The following TICRR variants were observed in gnomAD, a reference collection of about 807,000 sequenced individuals.
TICRR encodes TOPBP1 interacting checkpoint and replication regulator.
In TICRR, 132 loss-of-function variants were observed where a neutral mutation model predicts 178.1. The ratio of observed to expected loss-of-function variants is 0.74; its 90% CI spans 0.64 to 0.86. The LOEUF (loss-of-function observed/expected upper bound fraction) is 0.86. Ranked by LOEUF, TICRR falls within the 40% of genes least tolerant of loss-of-function variation. The probability of loss-of-function intolerance (pLI) is 0.00; values close to 1 mark genes in which losing one functional copy is unlikely to be tolerated. For missense variants in TICRR, 2,587 were observed against 2,334.3 expected, an observed-to-expected ratio of 1.11 and a Z score of -2.23; for synonymous variants, 991 against 900.7, an observed-to-expected ratio of 1.10 and a Z score of -1.79.
chr15:89,626,171 G>T lies in TICRR; in HGVS notation c.5602+110G>T, dbSNP rs962579287. ...GAGCCCCAGGGAGTGCCAAGTGTGG[G>T]ATAGGTGACTTCGCGCCTACAGCGT... On this transcript the variant is annotated intron_variant, in intron 21 of 21. Coordinates refer to ENST00000268138, the MANE Select transcript of TICRR (RefSeq NM_152259.4). The T allele has an allele frequency of 4.4e-5, 58 of 1,312,510 alleles. No homozygotes were observed. The African/African-American group carries it at 8.1e-4, about 18-fold the overall frequency. 81.3% of individuals were successfully genotyped at this position (1,312,510 alleles called of 1,614,324 possible).
Position 89,599,317 on chromosome 15 carries a change from T to G in TICRR, c.1901-7T>G. ...GATTAATCCATTTTATTTTATTTTT[T>G]TCTCAGATTTTAAAACTGAGGAAGA... is the stretch of plus-strand genomic sequence containing the variant. On this transcript the variant is annotated splice_polypyrimidine_tract_variant and splice_region_variant and intron_variant, in intron 7 of 21. Transcript: ENST00000268138. 1 of 1,594,684 alleles carries G rather than the reference T, an allele frequency of 6.3e-7. No individual in the cohort carries two copies. Among genetic ancestry groups the G allele is most frequent in the East Asian group, 2.2e-5 (1 of 44,698 alleles).
At chr15:89,581,626 A>G (rs1390594717) in intron 1 of TICRR, among the ~76,000 whole-genome samples, 1 of 152,226 alleles carries the variant, frequency 6.6e-6, no homozygotes, top group Non-Finnish European at 1.5e-5. Context: ...CAAATGGTTC[A>G]ATATGCCTAG....
At chr15:89,591,370 C>T in intron 4 of TICRR, 1 of 152,276 alleles carries the variant, frequency 6.6e-6, no homozygotes, top group Non-Finnish European at 1.5e-5. Context: ...GTGATCCACC[C>T]ACCTCGGCCT....
At chr15:89,578,139 A>G (rs189063118) in intron 1 of TICRR, among the ~76,000 whole-genome samples, 1 of 152,280 alleles carries the variant, frequency 6.6e-6, no homozygotes, top group Admixed American at 6.5e-5. Context: ...GCCAAGGTCA[A>G]AAATGTGGAT....
Position 89,575,723 on chromosome 15 carries a change from C to A in TICRR, c.137C>A (p.Ala46Asp). The change falls in exon 1 of 22, where the codon GCC becomes GAC. Residue 46 changes from alanine to aspartate, a missense_variant. Ala to Asp is a moderately radical substitution (Grantham distance 126, BLOSUM62 -2). Coordinates refer to ENST00000268138, the MANE Select transcript of TICRR (RefSeq NM_152259.4). ...TTCGGCCTGGCCAGGGTCCACTGGG[C>A]CTTCAAGTTCTTTGACTCGCAGGGG... ...CRFGLARVHW[A>D]FKFFDSQGAR... 3 of 1,609,846 alleles carry A rather than the reference C, an allele frequency of 1.9e-6. No homozygotes were observed. The highest frequency in any genetic ancestry group is 2.5e-6 in the Non-Finnish European group (3 of 1,179,050).
At chr15:89,578,925 T>C (rs539391593) in intron 1 of TICRR, among the ~76,000 whole-genome samples, 3 of 152,020 alleles carry the variant, frequency 2.0e-5, no homozygotes, top group South Asian at 2.1e-4. Flanking sequence ...TGGGGAGTGC[T>C]CTGTCCAGGA....
intron 5 of TICRR, among the ~76,000 whole-genome samples, chr15:89,592,727 A>G (rs1380880326): frequency 1.3e-5 from 2 of 152,252 alleles, no homozygotes; most frequent in African/African-American, 4.8e-5. Context: ...CTATAGCAAG[A>G]TCAAGCAATT....
chr15:89,605,333 T>C (rs998611037), intron 13 of TICRR, among the ~76,000 whole-genome samples: 1 of 152,230 alleles, frequency 6.6e-6, no homozygotes, highest in Admixed American at 6.5e-5. Flanking sequence ...TGTAGTTTAC[T>C]GAACCCTGGA....
Position 89,625,016 on chromosome 15 carries a change from G to C in TICRR, c.4706G>C (p.Gly1569Ala). ...GTTGAGCTGGAGATGCAAGCTTCTG[G>C]CCTTCCCAAACTTCGAATTAAGAAG... The part of the protein sequence containing the change: ...YEVELEMQAS[G>A]LPKLRIKKID... The change falls in exon 20 of 22, where the codon GGC (glycine) becomes GCC (alanine). Residue 1569 changes from glycine to alanine, a missense_variant. Gly to Ala is a moderately conservative substitution (Grantham distance 60). Coordinates refer to ENST00000268138, the MANE Select transcript of TICRR (RefSeq NM_152259.4). The C allele has an allele frequency of 6.2e-7, 1 of 1,614,058 alleles. No homozygotes were observed. The highest frequency in any genetic ancestry group is 8.5e-7 in the Non-Finnish European group (1 of 1,180,028).
intron 20 of TICRR, 31 bp downstream of exon 20, chr15:89,625,817 A>G (rs763021494): frequency 4.6e-5 from 72 of 1,575,984 alleles, no homozygotes; most frequent in Middle Eastern, 3.5e-4. Context: ...CAGTTTCCTC[A>G]TGGTTTCTTT....
chr15:89,598,507 C>T (rs1012600002), intron 7 of TICRR, among the ~76,000 whole-genome samples: 13 of 151,736 alleles, frequency 8.6e-5, no homozygotes, highest in East Asian at 3.9e-4. Context: ...GGATTAGAGG[C>T]GCCCGCCACT....
chr15:89,578,497 A>G (rs1231894966), intron 1 of TICRR, among the ~76,000 whole-genome samples: 6 of 152,232 alleles, frequency 3.9e-5, no homozygotes, highest in Non-Finnish European at 5.9e-5. Context: ...CCTTAGACAC[A>G]GTATACAACA....
At chr15:89,587,173 A>G (rs771504376) in intron 4 of TICRR, among the ~76,000 whole-genome samples, 10 of 152,154 alleles carry the variant, frequency 6.6e-5, no homozygotes, top group African/African-American at 2.4e-4. Context: ...GACTCCAGAG[A>G]CTTTTGCCCT....
chr15:89,609,792 A>G (rs1376746021), intron 15 of TICRR, among the ~76,000 whole-genome samples: 1 of 141,632 alleles, frequency 7.1e-6, no homozygotes. Context: ...TTCTAATCTC[A>G]GTTTCATTTT....
At position 89,619,829 on chromosome 15, in the gene TICRR, G is replaced by C; in HGVS notation, c.3141G>C (p.Gln1047His). 6.2e-7 allele frequency: 1 copy of C among 1,612,078 alleles called. No homozygotes were observed. The highest frequency in any genetic ancestry group is 8.5e-7 in the Non-Finnish European group (1 of 1,179,430). Reference sequence around the variant, plus strand: ...GTGTGCAAAGAGTCCACTCTTTCCAGCAAGATAAGTCAGGTAACATACGGG... The same window carrying C: ...GTGTGCAAAGAGTCCACTCTTTCCACCAAGATAAGTCAGGTAACATACGGG... ...SRSVQRVHSF[Q>H]QDKSDQRENS... Residue 1047 changes from glutamine to histidine, a missense_variant, in exon 18 of 22, where the codon CAG (glutamine) becomes CAC (histidine). Transcript: ENST00000268138.
chr15:89,578,580 C>T (rs918157763), intron 1 of TICRR, among the ~76,000 whole-genome samples: 1 of 151,872 alleles, frequency 6.6e-6, no homozygotes, highest in Non-Finnish European at 1.5e-5. Flanking sequence ...TAAATACTGG[C>T]TAGAAATAAG....
intron 4 of TICRR, among the ~76,000 whole-genome samples, chr15:89,588,303 T>G (rs1195709299): frequency 6.6e-6 from 1 of 152,144 alleles, no homozygotes; most frequent in Admixed American, 6.6e-5. Context: ...GTGAGATCCC[T>G]CTGTGGGCTT....
rs377486043 is a variant in TICRR, at chr15:89,612,676, T to C, written c.2869+3727T>C. Among the ~76,000 whole-genome samples, 7 of 152,374 alleles carry C rather than the reference T, an allele frequency of 4.6e-5. 1 individual carries two copies. The East Asian group carries it at 1.2e-3, about 25-fold the overall frequency. ...CAAAATAGTGAATTCTGATCTTTTT[T>C]TCTAGTTTACTAGTTATTTGGGTTG... On this transcript the variant is annotated intron_variant, in intron 15 of 21. Coordinates refer to ENST00000268138, the MANE Select transcript of TICRR (RefSeq NM_152259.4).
chr15:89,600,764 T>C, intron 9 of TICRR, 79 bp downstream of exon 9: 1 of 668,408 alleles, frequency 1.5e-6, no homozygotes, highest in Non-Finnish European at 2.5e-6. Context: ...AATAGATTGT[T>C]CGTGACATGG....
Sources: allele counts gnomAD v4.1 joint callset (sites outside exome capture counted in the v4.1 genomes callset), GRCh38; gene constraint gnomAD v4.1.1; transcripts MANE v1.5; gene names NCBI Gene and HGNC (gene_info 2026-07-23, HGNC 2026-07-21).